DMD: variants seen among roughly 807,000 people sequenced by gnomAD.
DMD encodes the protein mutant dystrophin.
Under a neutral mutation model 330.1 loss-of-function variants are expected in DMD, and 63 were observed. The ratio of observed to expected loss-of-function variants is 0.19; its 90% CI spans 0.16 to 0.24. DMD has a LOEUF of 0.24. DMD is among the 10% of genes least tolerant of loss of function. The pLI is 1.00. For missense variants in DMD, 3,344 were observed against 2,684.1 expected, an observed-to-expected ratio of 1.25 and a Z score of -5.43; for synonymous variants, 1,223 against 959.8, an observed-to-expected ratio of 1.27 and a Z score of -5.07.
chrX:31,467,132 T>C (rs1198006549), intron 59 of DMD, among the ~76,000 whole-genome samples: 1 of 111,704 alleles, frequency 9.0e-6, no homozygotes, highest in African/African-American at 3.3e-5. Flanking sequence ...TGACTTCCTC[T>C]CTTCCTATTT....
At chrX:32,100,340 AAAAG>A (rs2096533653) in intron 44 of DMD, among the ~76,000 whole-genome samples, 1 of 106,540 alleles carries the variant, frequency 9.4e-6, no homozygotes, top group Non-Finnish European at 1.9e-5. Context: ...GTAGATGAAA[AAAAG>A]AAAGAAAATC....
chrX:31,905,191 T>C (rs1410992785), intron 47 of DMD, among the ~76,000 whole-genome samples: 2 of 112,060 alleles, frequency 1.8e-5, no homozygotes, highest in Admixed American at 9.5e-5. Context: ...AATAATATTG[T>C]CAATCTTCTA....
At chrX:31,622,404 T>C (rs1299726446) in intron 55 of DMD, among the ~76,000 whole-genome samples, 2 of 111,417 alleles carry the variant, frequency 1.8e-5, no homozygotes, top group Non-Finnish European at 3.8e-5. Flanking sequence ...CTTATTTCTA[T>C]TCTATTTTAC....
intron 62 of DMD, among the ~76,000 whole-genome samples, chrX:31,308,095 G>A (rs1303644322): frequency 9.0e-6 from 1 of 111,703 alleles, no homozygotes; most frequent in East Asian, 2.8e-4. Flanking sequence ...ACAGGAGGCA[G>A]AGCTCAGGCA....
rs187917482 is a variant in DMD, at chrX:32,092,448, T to C, written c.6439-123934A>G. On this transcript the variant is annotated intron_variant, in intron 44 of 78. Coordinates refer to ENST00000357033, the MANE Select transcript of DMD (RefSeq NM_004006.3). ...AACAGCAGTAGATGGAATTTTTATT[T>C]GAAACACCACCACTAAATAGCTTTC... Among the ~76,000 whole-genome samples, 1,058 of 111,875 alleles carry C rather than the reference T, an allele frequency of 9.5e-3. 6 individuals are homozygous for C. Among genetic ancestry groups the C allele is most frequent in the African/African-American group, 0.032 (982 of 30,824 alleles).
At chrX:31,814,482 CAAAAAAAAAAAAAAAAAAAAA>C (rs151208391) in intron 50 of DMD, among the ~76,000 whole-genome samples, 42 of 28,995 alleles carry the variant, frequency 1.4e-3, no homozygotes, top group Admixed American at 0.011. Context: ...GACTCCGTCT[CAAAAAAAAAAAAAAAAAAAAA>C]AAAAAAAAAA....
At chrX:32,598,097 GCTT>G (rs2055776064) in intron 12 of DMD, among the ~76,000 whole-genome samples, 1 of 111,805 alleles carries the variant, frequency 8.9e-6, no homozygotes, top group African/African-American at 3.3e-5. Context: ...TTTATCCTAG[GCTT>G]CTTATTTTCG....
chrX:32,798,955 C>G (rs2076356914), intron 7 of DMD, among the ~76,000 whole-genome samples: 1 of 111,334 alleles, frequency 9.0e-6, no homozygotes, highest in Admixed American at 9.6e-5. Flanking sequence ...ATGATTACAG[C>G]AGAGGCGGAA....
chrX:32,010,163 T>C (rs779953288), intron 44 of DMD, among the ~76,000 whole-genome samples: 1 of 112,049 alleles, frequency 8.9e-6, no homozygotes, highest in East Asian at 2.8e-4. Flanking sequence ...AATTAACACG[T>C]GAATGAATGG....
intron 50 of DMD, among the ~76,000 whole-genome samples, chrX:31,809,835 GAT>G (rs778705694): frequency 1.3e-3 from 142 of 108,889 alleles, no homozygotes; most frequent in African/African-American, 4.6e-3. Context: ...AGATTGTGAA[GAT>G]ATATATATAT....
chrX:32,109,601 A>T (rs1235033480), intron 44 of DMD, among the ~76,000 whole-genome samples: 1 of 40,105 alleles, frequency 2.5e-5, no homozygotes, highest in East Asian at 1.4e-3. Context: ...TTGTACAGAT[A>T]CAGAAATTTG....
chrX:32,656,566 T>C (rs2060586749), intron 9 of DMD, among the ~76,000 whole-genome samples: 1 of 112,298 alleles, frequency 8.9e-6, no homozygotes, highest in East Asian at 2.8e-4. Flanking sequence ...TAAAAGCTTA[T>C]ATGTGAGTTT....
intron 7 of DMD, among the ~76,000 whole-genome samples, chrX:32,783,885 ACTT>A (rs1162025639): frequency 9.1e-6 from 1 of 109,884 alleles, no homozygotes; most frequent in Non-Finnish European, 1.9e-5. Flanking sequence ...CTAATACTTC[ACTT>A]TTTTCATACT....
chrX:32,378,586 C>T (rs958886009), intron 34 of DMD, among the ~76,000 whole-genome samples: 3 of 109,588 alleles, frequency 2.7e-5, no homozygotes, highest in South Asian at 3.8e-4. Flanking sequence ...TACTTTCATA[C>T]GAAAATAAAT....
chrX:31,508,456 C>A lies in DMD; in HGVS notation c.8218-1003G>T, dbSNP rs917069183. The A allele has an allele frequency of 3.4e-5, 11 of 318,854 alleles. No individual in the cohort carries two copies. In the South Asian group the frequency reaches 6.2e-4, roughly 18 times the overall value. The allele number at this position is 318,854 out of a possible 1,213,427, so 26.3% of individuals were successfully genotyped here. On this transcript the variant is annotated intron_variant, in intron 55 of 78. Transcript: ENST00000357033. ...AGGCGTGTGGATGTGGGAGGAACCT[C>A]AAAGAGAGGAGGCCTGGAATATGCA... is the stretch of plus-strand genomic sequence containing the variant.
chrX:32,496,359 A>G (rs778088863), intron 19 of DMD, among the ~76,000 whole-genome samples: 1 of 112,061 alleles, frequency 8.9e-6, no homozygotes, highest in African/African-American at 3.2e-5. Flanking sequence ...GTAATAGTCT[A>G]AAATGTAATA....
chrX:33,095,325 G>T (rs957964029), intron 1 of DMD, among the ~76,000 whole-genome samples: 2 of 112,369 alleles, frequency 1.8e-5, no homozygotes, highest in Non-Finnish European at 3.8e-5. Context: ...CAGAAATAGC[G>T]AACAACATAA....
chrX:32,480,699 T>C (rs1337716635), intron 21 of DMD, among the ~76,000 whole-genome samples: 2 of 111,066 alleles, frequency 1.8e-5, no homozygotes, highest in Non-Finnish European at 3.8e-5. Context: ...TGTATATATA[T>C]ATGTATAGCT....
At chrX:32,925,144 GGT>G (rs1569542893) in intron 2 of DMD, among the ~76,000 whole-genome samples, 2 of 75,084 alleles carry the variant, frequency 2.7e-5, no homozygotes, top group Non-Finnish European at 4.9e-5. Context: ...AAAAACTCTG[GGT>G]TTTTTTTTTT....
Sources: allele counts gnomAD v4.1 joint callset (sites outside exome capture counted in the v4.1 genomes callset), GRCh38; gene constraint gnomAD v4.1.1; transcripts MANE v1.5; gene names NCBI Gene and HGNC (gene_info 2026-07-23, HGNC 2026-07-21).